The following ADAMTS20 variants were observed in gnomAD, a reference collection of about 807,000 sequenced individuals.
ADAMTS20 encodes the protein A disintegrin and metalloproteinase with thrombospondin motifs 20.
A neutral mutation model predicts 260.1 loss-of-function variants in ADAMTS20; 225 were observed. That is an observed-to-expected ratio of 0.87 (90% CI 0.78 to 0.97). The LOEUF (loss-of-function observed/expected upper bound fraction) is 0.97. Among genes scored for constraint, ADAMTS20 ranks in the 50% least tolerant of loss-of-function variants. The pLI, the probability that ADAMTS20 is intolerant of heterozygous loss-of-function variation, is 0.00. For missense variants in ADAMTS20, 2,400 were observed against 2,337.7 expected (o/e 1.03, Z -0.55); for synonymous variants, 802 against 769.5 (o/e 1.04, Z -0.70).
At chr12:43,471,968 G>A (rs370548935) in intron 7 of ADAMTS20, among the ~76,000 whole-genome samples, 19,387 of 150,378 alleles carry the variant, frequency 0.13, 1,411 homozygotes, top group Admixed American at 0.23. Context: ...CACCAGCAAC[G>A]GAACAAAGCT....
intron 36 of ADAMTS20, among the ~76,000 whole-genome samples, chr12:43,371,558 G>T (rs534019741): frequency 6.6e-6 from 1 of 152,278 alleles, no homozygotes; most frequent in Non-Finnish European, 1.5e-5. Flanking sequence ...AGTGGTTCTG[G>T]ATGGTCTTAT....
chr12:43,480,037 A>G (rs1942417849), intron 7 of ADAMTS20, among the ~76,000 whole-genome samples: 2 of 152,158 alleles, frequency 1.3e-5, no homozygotes, highest in Admixed American at 1.3e-4. Context: ...GTTACTAGTA[A>G]AAGAAATAGT....
intron 28 of ADAMTS20, among the ~76,000 whole-genome samples, chr12:43,409,434 C>G (rs1180607655): frequency 6.6e-6 from 1 of 150,512 alleles, no homozygotes; most frequent in Non-Finnish European, 1.5e-5. Context: ...AACCTCGTCT[C>G]TACTAAAAAT....
chr12:43,427,009 T>C (rs1417209231), intron 27 of ADAMTS20, among the ~76,000 whole-genome samples: 2 of 151,860 alleles, frequency 1.3e-5, no homozygotes, highest in Non-Finnish European at 2.9e-5. Context: ...CCCATCTTTA[T>C]TAAAAATGAA....
intron 3 of ADAMTS20, among the ~76,000 whole-genome samples, chr12:43,527,233 A>T (rs1237972557): frequency 6.6e-6 from 1 of 152,218 alleles, no homozygotes; most frequent in Non-Finnish European, 1.5e-5. Context: ...AGGGCCAGAT[A>T]GATTCACAGT....
chr12:43,383,886 T>C lies in ADAMTS20; in HGVS notation c.4544A>G (p.Gln1515Arg), dbSNP rs564312543. 3 of 1,613,990 alleles carry C rather than the reference T, an allele frequency of 1.9e-6. No individual in the cohort carries two copies. Among genetic ancestry groups the C allele is most frequent in the African/African-American group, 1.3e-5 (1 of 75,046 alleles). The part of the protein sequence containing the change: ...VGQVVEEMCD[Q>R]STRPCSQRRC... ...CCTCTGAGAACAAGGTCGGGTGGAC[T>C]GATCACACATTTCTTCAACCACCTG... is the stretch of plus-strand genomic sequence containing the variant. Residue 1515 changes from glutamine (Q) to arginine (R), a missense_variant, in exon 30 of 39, where the codon CAG becomes CGG. Coordinates refer to ENST00000389420, the MANE Select transcript of ADAMTS20 (RefSeq NM_025003.5).
intron 37 of ADAMTS20, among the ~76,000 whole-genome samples, chr12:43,364,897 A>G (rs950819443): frequency 1.3e-5 from 2 of 152,116 alleles, no homozygotes; most frequent in Non-Finnish European, 2.9e-5. Flanking sequence ...TTATTAATTT[A>G]CCCATCCAAG....
chr12:43,493,246 G>T lies in ADAMTS20; in HGVS notation c.875C>A (p.Thr292Lys). The T allele has an allele frequency of 6.5e-7, 1 of 1,547,340 alleles. No homozygotes were observed. ...TCCAATACTTGGATCTTTGTAGATTGTTGCAACCTGCATGTAAAAAAAATG... is the reference window on the plus strand; with the variant it reads ...TCCAATACTTGGATCTTTGTAGATTTTTGCAACCTGCATGTAAAAAAAATG... ...YILTLMSIVA[T>K]IYKDPSIGNL... Residue 292 changes from threonine (T) to lysine (K), a missense_variant, in exon 5 of 39, where the codon ACA (threonine) becomes AAA (lysine). By Grantham distance (78) the Thr-to-Lys change is moderately conservative. Transcript: ENST00000389420.
chr12:43,379,202 C>A (rs1184506764), intron 31 of ADAMTS20, among the ~76,000 whole-genome samples: 1 of 152,138 alleles, frequency 6.6e-6, no homozygotes, highest in Non-Finnish European at 1.5e-5. Flanking sequence ...CTGCTCAGTG[C>A]TAAAAATCTA....
intron 4 of ADAMTS20, 56 bp downstream of exon 4, chr12:43,502,096 A>C: frequency 6.9e-7 from 1 of 1,452,124 alleles, no homozygotes; most frequent in Non-Finnish European, 9.1e-7. Flanking sequence ...GACATGAAAA[A>C]ATTTCATTAA....
chr12:43,499,220 A>C (rs1942720587), intron 4 of ADAMTS20, among the ~76,000 whole-genome samples: 1 of 152,186 alleles, frequency 6.6e-6, no homozygotes, highest in South Asian at 2.1e-4. Flanking sequence ...TAAGAACAAA[A>C]GCTTAACACA....
intron 2 of ADAMTS20, among the ~76,000 whole-genome samples, chr12:43,548,827 T>C (rs920660545): frequency 2.6e-5 from 4 of 152,030 alleles, no homozygotes; most frequent in Non-Finnish European, 5.9e-5. Context: ...TACAGAGAAA[T>C]TATGTAAAAT....
At chr12:43,384,240 C>T (rs1210217763) in intron 29 of ADAMTS20, among the ~76,000 whole-genome samples, 1 of 152,198 alleles carries the variant, frequency 6.6e-6, no homozygotes, top group Non-Finnish European at 1.5e-5. Context: ...CAATCAATGA[C>T]TCTGTCTTCT....
intron 3 of ADAMTS20, among the ~76,000 whole-genome samples, chr12:43,511,109 G>A (rs1307335936): frequency 2.0e-5 from 3 of 151,954 alleles, no homozygotes; most frequent in Non-Finnish European, 4.4e-5. Context: ...AATGCTCCTT[G>A]TATTGCTTCT....
chr12:43,439,985 G>A lies in ADAMTS20; in HGVS notation c.2375C>T (p.Thr792Ile). 2 of 1,592,920 alleles carry A rather than the reference G, an allele frequency of 1.3e-6. No homozygotes were observed. Among genetic ancestry groups the A allele is most frequent in the Non-Finnish European group, 1.7e-6 (2 of 1,167,924 alleles). The change falls in exon 17 of 39, where the codon ACA becomes ATA. Residue 792 changes from threonine to isoleucine, a missense_variant. Thr to Ile is a moderately conservative substitution (Grantham distance 89). Transcript: ENST00000389420. Reference protein sequence around the residue: ...TSKKEINVQGTRTVIEYSGSN... With the variant: ...TSKKEINVQGIRTVIEYSGSN... ...TCCACTGTATTCAATAACAGTTCTT[G>A]TTCCTTGCACATTGATTTCTTTTTT...
chr12:43,367,020 T>G (rs1205777431), intron 37 of ADAMTS20, among the ~76,000 whole-genome samples: 1 of 151,798 alleles, frequency 6.6e-6, no homozygotes, highest in Admixed American at 6.6e-5. Flanking sequence ...CAACAAAAAT[T>G]TGAATACATC....
chr12:43,535,023 T>A (rs935560471), intron 2 of ADAMTS20, among the ~76,000 whole-genome samples: 1 of 152,138 alleles, frequency 6.6e-6, no homozygotes, highest in Admixed American at 6.5e-5. Context: ...TCAGCTCAAA[T>A]AACAACCACC....
At chr12:43,442,634 T>A (rs1273298286) in intron 16 of ADAMTS20, among the ~76,000 whole-genome samples, 1 of 152,212 alleles carries the variant, frequency 6.6e-6, no homozygotes, top group Non-Finnish European at 1.5e-5. Context: ...ATTTGGAATC[T>A]AAGAGATACC....
intron 31 of ADAMTS20, among the ~76,000 whole-genome samples, chr12:43,383,105 G>GA (rs1940389726): frequency 6.6e-6 from 1 of 152,146 alleles, no homozygotes; most frequent in Non-Finnish European, 1.5e-5. Flanking sequence ...AGGGAAAAGA[G>GA]AGGGGGGAAA....
Sources: allele counts gnomAD v4.1 joint callset (sites outside exome capture counted in the v4.1 genomes callset), GRCh38; gene constraint gnomAD v4.1.1; transcripts MANE v1.5; gene names NCBI Gene and HGNC (gene_info 2026-07-23, HGNC 2026-07-21).